Variants in ARMH1 observed in about 807,000 individuals in gnomAD.
ARMH1 encodes armadillo like helical domain containing 1, also known as armadillo-like helical domain containing protein 1.
A neutral mutation model predicts 50.2 loss-of-function variants in ARMH1; 34 were observed. The observed-to-expected ratio is 0.68, with a 90% CI of 0.51 to 0.90. ARMH1 has a LOEUF of 0.90. Ranked by LOEUF, ARMH1 falls within the 40% of genes least tolerant of loss-of-function variation. The pLI is 0.00. For missense variants in ARMH1, 538 were observed against 553.9 expected, an observed-to-expected ratio of 0.97 and a Z score of 0.29; for synonymous variants, 221 against 224.2, an observed-to-expected ratio of 0.99 and a Z score of 0.13.
chr1:44,690,143 G>A (rs1029371567), intron 2 of ARMH1, among the ~76,000 whole-genome samples: 2 of 151,934 alleles, frequency 1.3e-5, no homozygotes, highest in Non-Finnish European at 2.9e-5. Flanking sequence ...ACTTGAACCC[G>A]GGAGGCAGAG....
intron 6 of ARMH1, among the ~76,000 whole-genome samples, chr1:44,717,024 T>C (rs552262798): frequency 6.6e-6 from 1 of 152,042 alleles, no homozygotes; most frequent in East Asian, 1.9e-4. Flanking sequence ...CTAATTTTTG[T>C]AGTTTTAGTA....
rs367689633 is a variant in ARMH1 at position 44,697,084 on chromosome 1, C to A, written c.207-18C>A. 9.7e-6 allele frequency: 15 copies of A among 1,547,274 alleles called. No individual in the cohort carries two copies. The highest frequency in any genetic ancestry group is 1.2e-5 in the Non-Finnish European group (14 of 1,142,746). On this transcript the variant is annotated intron_variant, in intron 2 of 11. Coordinates refer to ENST00000535358, the MANE Select transcript of ARMH1 (RefSeq NM_001145636.2). ...GTGAAAAACCACCCTGAAACTCACT[C>A]TTTAACGTGTCATACAGCTATATGA...
intron 6 of ARMH1, among the ~76,000 whole-genome samples, 199 bp downstream of exon 6, chr1:44,704,372 C>T (rs79071917): frequency 0.027 from 4,180 of 152,252 alleles, 150 homozygotes; most frequent in African/African-American, 0.082. Flanking sequence ...TGAACGGTTA[C>T]GAGAATCTGC....
chr1:44,713,810 G>A (rs1045933431), intron 6 of ARMH1, among the ~76,000 whole-genome samples: 3 of 152,150 alleles, frequency 2.0e-5, no homozygotes, highest in Non-Finnish European at 4.4e-5. Flanking sequence ...TGGTTGGGCT[G>A]GGTGAAAGCA....
rs190381026 is a variant in ARMH1, at chr1:44,725,171, C to T, written c.1164C>T (p.Ser388=). Residue 388 remains serine (S), a synonymous_variant, in exon 11 of 12, where the codon AGC becomes AGT. Coordinates refer to ENST00000535358, the MANE Select transcript of ARMH1 (RefSeq NM_001145636.2). The stretch of plus-strand genomic sequence containing the variant: ...AGGACTTGTACATGAAAATAGACAG[C>T]ATTCAGGCGGACATCTTGGCGGCCA... ...NAEDLYMKID[S]IQADILAANT... The T allele has an allele frequency of 5.2e-6, 8 of 1,552,040 alleles. No individual in the cohort carries two copies. The East Asian group carries it at 1.5e-4, about 28-fold the overall frequency.
At chr1:44,714,259 G>A (rs1219916143) in intron 6 of ARMH1, among the ~76,000 whole-genome samples, 7 of 144,662 alleles carry the variant, frequency 4.8e-5, no homozygotes, top group African/African-American at 1.8e-4. Flanking sequence ...GACAGAGCGA[G>A]ACTCCGTCTC....
At chr1:44,697,617 G>C (rs549390443) in intron 3 of ARMH1, among the ~76,000 whole-genome samples, 1 of 152,218 alleles carries the variant, frequency 6.6e-6, no homozygotes, top group African/African-American at 2.4e-5. Context: ...AGGAGCTCTA[G>C]ACATACCAAA....
intron 6 of ARMH1, among the ~76,000 whole-genome samples, chr1:44,715,143 A>G (rs922950989): frequency 6.6e-6 from 1 of 152,168 alleles, no homozygotes; most frequent in Non-Finnish European, 1.5e-5. Flanking sequence ...CACTTCTCAT[A>G]TGTGTCCAGT....
chr1:44,720,611 A>G (rs1360855666), intron 6 of ARMH1, among the ~76,000 whole-genome samples: 1 of 152,218 alleles, frequency 6.6e-6, no homozygotes, highest in Non-Finnish European at 1.5e-5. Flanking sequence ...ATACGGTGCT[A>G]CGGGTTCAGA....
intron 6 of ARMH1, chr1:44,721,850 A>G (rs1005323105): frequency 1.3e-5 from 2 of 152,188 alleles, no homozygotes; most frequent in Non-Finnish European, 2.9e-5. Context: ...TCTCCACGGA[A>G]ATCTTTAGTA....
intron 2 of ARMH1, 80 bp from the exon 3 acceptor site, chr1:44,697,022 G>A: frequency 9.4e-7 from 1 of 1,065,612 alleles, no homozygotes. Flanking sequence ...TGGGCCCGGG[G>A]TGGTACCAGA....
chr1:44,692,638 T>C (rs1255552157), intron 2 of ARMH1, among the ~76,000 whole-genome samples: 1 of 152,156 alleles, frequency 6.6e-6, no homozygotes, highest in African/African-American at 2.4e-5. Context: ...ACATTTAAGT[T>C]ATTGATAAAA....
chr1:44,695,397 C>T (rs904986234), intron 2 of ARMH1, among the ~76,000 whole-genome samples: 2 of 152,184 alleles, frequency 1.3e-5, no homozygotes, highest in African/African-American at 4.8e-5. Context: ...CAACATTGCT[C>T]CTTCATCCCC....
chr1:44,679,414 T>C (rs1573271415), intron 1 of ARMH1, among the ~76,000 whole-genome samples: 1 of 152,270 alleles, frequency 6.6e-6, no homozygotes, highest in East Asian at 1.9e-4. Context: ...CTAATTTGTT[T>C]GCTTCTCATT....
chr1:44,722,509 C>G (rs575862970), intron 6 of ARMH1, among the ~76,000 whole-genome samples: 1 of 149,676 alleles, frequency 6.7e-6, no homozygotes, highest in East Asian at 2.0e-4. Context: ...CTTTGGGAGG[C>G]CTGAGCACTT....
chr1:44,699,505 G>C (rs563405179), intron 4 of ARMH1, among the ~76,000 whole-genome samples: 1 of 150,644 alleles, frequency 6.6e-6, no homozygotes, highest in Non-Finnish European at 1.5e-5. Flanking sequence ...GCTGGAGTGT[G>C]GTGGCGCAAT....
intron 6 of ARMH1, among the ~76,000 whole-genome samples, chr1:44,706,461 G>T (rs745367954): frequency 6.6e-5 from 10 of 152,092 alleles, no homozygotes; most frequent in Non-Finnish European, 1.3e-4. Flanking sequence ...GACAGGCTGA[G>T]CCCCAGGTTC....
chr1:44,723,618 G>A (rs1647734251), intron 6 of ARMH1, among the ~76,000 whole-genome samples: 1 of 152,140 alleles, frequency 6.6e-6, no homozygotes, highest in Admixed American at 6.5e-5. Flanking sequence ...GAGCTTCCAC[G>A]GGTGCTGTAT....
chr1:44,721,839 T>TC (rs1357288867), intron 6 of ARMH1: 23 of 151,978 alleles, frequency 1.5e-4, no homozygotes, highest in African/African-American at 4.4e-4. Flanking sequence ...ATAGTTGTTT[T>TC]TCTCCACGGA....
Sources: gnomAD v4.1 joint callset for allele counts (sites outside exome capture counted in the v4.1 genomes callset) on GRCh38, gnomAD v4.1.1 for gene constraint, MANE v1.5 for transcripts, NCBI Gene and HGNC (gene_info 2026-07-23, HGNC 2026-07-21) for gene names.